The following MYO1D variants were observed in gnomAD, a reference collection of about 807,000 sequenced individuals.
The protein encoded by MYO1D is unconventional myosin-Id.
MYO1D carries 83 observed loss-of-function variants against 122.0 expected under a neutral mutation model. That is an observed-to-expected ratio of 0.68 (90% confidence interval 0.57 to 0.82). The LOEUF (loss-of-function observed/expected upper bound fraction) is 0.82. Ranked by LOEUF, MYO1D falls within the 40% of genes least tolerant of loss-of-function variation. The probability of loss-of-function intolerance (pLI) is 0.00; values close to 1 mark genes in which losing one functional copy is unlikely to be tolerated. For synonymous variants in MYO1D, 464 were observed against 446.9 expected (o/e 1.04, Z -0.48); for missense variants, 1,157 against 1,269.5 (o/e 0.91, Z 1.35).
At chr17:32,612,106 T>C (rs555076625) in intron 20 of MYO1D, among the ~76,000 whole-genome samples, 5 of 152,234 alleles carry the variant, frequency 3.3e-5, no homozygotes, top group Admixed American at 1.3e-4. Context: ...TTAAGAAAAG[T>C]TTTTTTGCCA....
At chr17:32,605,275 A>G (rs1479071055) in intron 20 of MYO1D, 34 bp from the exon 21 acceptor site, 2 of 1,523,834 alleles carry the variant, frequency 1.3e-6, no homozygotes, top group Non-Finnish European at 1.8e-6. Flanking sequence ...AACTATTTGG[A>G]TCATTCTCAA....
intron 13 of MYO1D, 144 bp from the exon 14 acceptor site, chr17:32,738,529 C>A (rs1442352552): frequency 2.1e-5 from 18 of 847,272 alleles, no homozygotes; most frequent in Non-Finnish European, 2.8e-5. Context: ...ATGATGATTC[C>A]ATCCAGAAAA....
intron 11 of MYO1D, among the ~76,000 whole-genome samples, chr17:32,754,614 C>G (rs532847037): frequency 3.9e-5 from 6 of 152,300 alleles, no homozygotes; most frequent in Admixed American, 2.0e-4. Flanking sequence ...ACTTTATTCA[C>G]ACTAAAAAAT....
At chr17:32,519,574 C>G (rs1910036909) in intron 21 of MYO1D, among the ~76,000 whole-genome samples, 1 of 151,826 alleles carries the variant, frequency 6.6e-6, no homozygotes, top group Admixed American at 6.6e-5. Context: ...TGCCCGAGCC[C>G]GAGCGCCAGC....
chr17:32,868,844 A>T (rs2091152755), intron 1 of MYO1D, among the ~76,000 whole-genome samples: 1 of 152,158 alleles, frequency 6.6e-6, no homozygotes, highest in African/African-American at 2.4e-5. Flanking sequence ...ATGATTCCCT[A>T]TTGGAAGCAT....
intron 20 of MYO1D, 86 bp from the exon 21 acceptor site, chr17:32,605,327 G>A: frequency 7.7e-7 from 1 of 1,290,960 alleles, no homozygotes; most frequent in South Asian, 1.9e-5. Context: ...GGGCATGGTG[G>A]CATGTGCCTG....
intron 21 of MYO1D, among the ~76,000 whole-genome samples, chr17:32,530,397 G>A (rs1377026820): frequency 6.6e-6 from 1 of 152,200 alleles, no homozygotes; most frequent in Non-Finnish European, 1.5e-5. Flanking sequence ...AAAATTACAT[G>A]ATGAGAAGAG....
chr17:32,869,165 G>A (rs1335265374), intron 1 of MYO1D, among the ~76,000 whole-genome samples: 1 of 151,942 alleles, frequency 6.6e-6, no homozygotes, highest in African/African-American at 2.4e-5. Flanking sequence ...GATGCAGTGA[G>A]CCAAGATCGC....
intron 1 of MYO1D, among the ~76,000 whole-genome samples, chr17:32,832,535 C>A (rs1176866311): frequency 6.6e-6 from 1 of 151,962 alleles, no homozygotes; most frequent in Non-Finnish European, 1.5e-5. Flanking sequence ...CCTGACCTTG[C>A]GATCTGCCCG....
chr17:32,701,047 GA>G (rs1228426172), intron 16 of MYO1D, among the ~76,000 whole-genome samples: 20 of 151,214 alleles, frequency 1.3e-4, no homozygotes, highest in African/African-American at 3.6e-4. Flanking sequence ...AGCTGATAAA[GA>G]AAAAAGATAA....
At chr17:32,783,787 AG>A (rs1276230072) in intron 1 of MYO1D, among the ~76,000 whole-genome samples, 1 of 152,204 alleles carries the variant, frequency 6.6e-6, no homozygotes, top group African/African-American at 2.4e-5. Flanking sequence ...TAAGCACTAA[AG>A]TAATATAGTC....
At chr17:32,531,773 G>A (rs1375482609) in intron 21 of MYO1D, among the ~76,000 whole-genome samples, 3 of 152,232 alleles carry the variant, frequency 2.0e-5, no homozygotes, top group African/African-American at 7.2e-5. Flanking sequence ...ACACCTGAAA[G>A]CATGATCAGC....
At chr17:32,853,411 TTTATTC>T (rs1272409288) in intron 1 of MYO1D, among the ~76,000 whole-genome samples, 12 of 152,228 alleles carry the variant, frequency 7.9e-5, no homozygotes, top group Admixed American at 3.3e-4. Context: ...ATTTGATGAA[TTTATTC>T]TTATTCTATG....
At chr17:32,677,925 ACTC>A (rs759763068) in intron 16 of MYO1D, among the ~76,000 whole-genome samples, 8 of 152,084 alleles carry the variant, frequency 5.3e-5, no homozygotes, top group Non-Finnish European at 7.4e-5. Flanking sequence ...ATTTCATGGA[ACTC>A]CTCTATAGCC....
chr17:32,634,927 T>A (rs1484072374), intron 20 of MYO1D, among the ~76,000 whole-genome samples: 1 of 152,184 alleles, frequency 6.6e-6, no homozygotes, highest in Admixed American at 6.5e-5. Flanking sequence ...GGCCTAAGGA[T>A]GACAGTGATA....
intron 1 of MYO1D, among the ~76,000 whole-genome samples, chr17:32,874,327 T>C (rs528878541): frequency 1.1e-4 from 16 of 152,100 alleles, no homozygotes; most frequent in Non-Finnish European, 2.2e-4. Context: ...TGTGTCTCTG[T>C]CTCTCTCTGT....
At chr17:32,822,413 C>G (rs540981292) in intron 1 of MYO1D, among the ~76,000 whole-genome samples, 1 of 151,506 alleles carries the variant, frequency 6.6e-6, no homozygotes, top group African/African-American at 2.4e-5. Flanking sequence ...CGTCCAGCGC[C>G]GTCCGTCCGT....
chr17:32,818,961 C>G (rs1296182774), intron 1 of MYO1D, among the ~76,000 whole-genome samples: 1 of 152,168 alleles, frequency 6.6e-6, no homozygotes, highest in African/African-American at 2.4e-5. Context: ...GATAGGTTGA[C>G]GTTACTTCTT....
In MYO1D at chr17:32,765,102, A is replaced by G. The variant is rs190095057; in HGVS notation, c.832-21T>C. The G allele has an allele frequency of 5.9e-5, 92 of 1,569,574 alleles. No homozygotes were observed. In the African/African-American group the frequency reaches 1.1e-3, roughly 19 times the overall value. On this transcript the variant is annotated intron_variant, in intron 7 of 21. Coordinates refer to ENST00000318217, the MANE Select transcript of MYO1D (RefSeq NM_015194.3). ...TTTCCCTGTATCAAAAGTGAAAAAAATAACACATTATGAAACATTATGTCA... is the reference window on the plus strand; with the variant it reads ...TTTCCCTGTATCAAAAGTGAAAAAAGTAACACATTATGAAACATTATGTCA...
Sources: allele counts gnomAD v4.1 joint callset (sites outside exome capture counted in the v4.1 genomes callset), GRCh38; gene constraint gnomAD v4.1.1; transcripts MANE v1.5; gene names NCBI Gene and HGNC (gene_info 2026-07-23, HGNC 2026-07-21).